Variants in SHISA6 observed in about 807,000 individuals in gnomAD.
The protein encoded by SHISA6 is shisa family member 6.
A neutral mutation model predicts 47.9 loss-of-function variants in SHISA6; 22 were observed. That is an observed-to-expected ratio of 0.46 (90% CI 0.33 to 0.66). SHISA6 has a LOEUF of 0.66. Among genes scored for constraint, SHISA6 ranks in the 30% least tolerant of loss-of-function variants. The probability of loss-of-function intolerance (pLI) is 0.02; values close to 1 mark genes in which losing one functional copy is unlikely to be tolerated. For missense variants in SHISA6, 680 were observed against 764.6 expected (o/e 0.89, Z 1.30); for synonymous variants, 388 against 337.8 (o/e 1.15, Z -1.63).
chr17:11,285,258 C>T (rs1345710661), intron 2 of SHISA6, among the ~76,000 whole-genome samples: 1 of 152,106 alleles, frequency 6.6e-6, no homozygotes, highest in Non-Finnish European at 1.5e-5. Flanking sequence ...TTTGCACATC[C>T]CATTTGGTGT....
chr17:11,398,603 G>T (rs888312812), intron 3 of SHISA6, among the ~76,000 whole-genome samples: 4 of 134,760 alleles, frequency 3.0e-5, no homozygotes, highest in African/African-American at 6.9e-5. Flanking sequence ...TTTTTTTGTT[G>T]TTTTTTTTTT....
chr17:11,518,522 C>T (rs143301173), intron 3 of SHISA6, among the ~76,000 whole-genome samples: 152 of 152,252 alleles, frequency 1.0e-3, no homozygotes, highest in African/African-American at 3.5e-3. Flanking sequence ...TCTGTACTGG[C>T]TTATTTCACT....
intron 1 of SHISA6, among the ~76,000 whole-genome samples, chr17:11,257,438 A>G (rs1908057010): frequency 6.6e-6 from 1 of 152,110 alleles, no homozygotes; most frequent in South Asian, 2.1e-4. Flanking sequence ...AGGGAGGCAG[A>G]TTGCCTGAGT....
At chr17:11,345,375 T>C (rs113834512) in intron 2 of SHISA6, among the ~76,000 whole-genome samples, 103 of 152,304 alleles carry the variant, frequency 6.8e-4, no homozygotes, top group African/African-American at 2.4e-3. Flanking sequence ...CACTATCTTA[T>C]TTAATTTAGC....
intron 2 of SHISA6, among the ~76,000 whole-genome samples, chr17:11,306,414 C>A (rs780936791): frequency 4.6e-5 from 7 of 152,256 alleles, no homozygotes; most frequent in Non-Finnish European, 1.0e-4. Flanking sequence ...CAATGATGGG[C>A]TTCTGCTGGG....
chr17:11,543,841 A>T (rs1019974670), intron 3 of SHISA6, among the ~76,000 whole-genome samples: 4 of 151,752 alleles, frequency 2.6e-5, no homozygotes, highest in African/African-American at 9.7e-5. Context: ...AAAAAGGTGC[A>T]AAAGCAATTT....
At chr17:11,440,930 G>A (rs1428432070) in intron 3 of SHISA6, among the ~76,000 whole-genome samples, 1 of 152,000 alleles carries the variant, frequency 6.6e-6, no homozygotes, top group Non-Finnish European at 1.5e-5. Context: ...AAGAGAAATG[G>A]CTGAGCAAGA....
chr17:11,394,080 C>T (rs990118846), intron 3 of SHISA6, among the ~76,000 whole-genome samples: 3 of 152,096 alleles, frequency 2.0e-5, no homozygotes, highest in Non-Finnish European at 2.9e-5. Context: ...TGCTGTCTTG[C>T]CTAATGCCTG....
At chr17:11,446,405 C>T (rs963423756) in intron 3 of SHISA6, among the ~76,000 whole-genome samples, 27 of 152,204 alleles carry the variant, frequency 1.8e-4, no homozygotes, top group African/African-American at 4.6e-4. Flanking sequence ...TTAGGAACTA[C>T]GAAGACACAG....
intron 3 of SHISA6, among the ~76,000 whole-genome samples, chr17:11,513,706 A>G (rs1380017620): frequency 6.6e-6 from 1 of 152,176 alleles, no homozygotes; most frequent in East Asian, 1.9e-4. Flanking sequence ...TAGCTGTGCA[A>G]TCTATCTGAA....
chr17:11,472,402 G>T (rs1434322445), intron 3 of SHISA6, among the ~76,000 whole-genome samples: 2 of 152,060 alleles, frequency 1.3e-5, no homozygotes, highest in African/African-American at 4.8e-5. Flanking sequence ...TCTCACTATG[G>T]TGTCCAGGTA....
intron 3 of SHISA6, among the ~76,000 whole-genome samples, chr17:11,413,876 G>C (rs752992216): frequency 1.3e-5 from 2 of 152,104 alleles, no homozygotes; most frequent in Admixed American, 6.5e-5. Flanking sequence ...GATGGGAGGC[G>C]CTGCGCAGTC....
At chr17:11,508,305 A>G (rs552545920) in intron 3 of SHISA6, among the ~76,000 whole-genome samples, 1 of 152,352 alleles carries the variant, frequency 6.6e-6, no homozygotes, top group Admixed American at 6.5e-5. Context: ...AAGCACCAGC[A>G]TCTGGTGTCT....
chr17:11,245,291 C>T (rs1387813755), intron 1 of SHISA6, among the ~76,000 whole-genome samples: 2 of 152,294 alleles, frequency 1.3e-5, no homozygotes, highest in East Asian at 1.9e-4. Flanking sequence ...CTTTCCCAAC[C>T]GGAAGCCCAA....
chr17:11,497,093 C>A (rs1263288507), intron 3 of SHISA6, among the ~76,000 whole-genome samples: 1 of 152,078 alleles, frequency 6.6e-6, no homozygotes. Context: ...GTCCTGGGCC[C>A]CTGTAGATTC....
chr17:11,380,454 C>T (rs562455972), intron 3 of SHISA6: 1 of 152,094 alleles, frequency 6.6e-6, no homozygotes, highest in African/African-American at 2.4e-5. Flanking sequence ...TAAAGTTTAT[C>T]GAGGATACAG....
intron 3 of SHISA6, among the ~76,000 whole-genome samples, chr17:11,389,053 A>G (rs1250955889): frequency 1.3e-5 from 2 of 151,924 alleles, no homozygotes. Flanking sequence ...AGCTGGATTC[A>G]CAGCAATTAA....
chr17:11,375,178 A>G (rs1456112604), intron 2 of SHISA6, among the ~76,000 whole-genome samples: 1 of 152,180 alleles, frequency 6.6e-6, no homozygotes, highest in East Asian at 1.9e-4. Flanking sequence ...TCGAAAGACT[A>G]AAGTCTTCCA....
chr17:11,544,233 A>G (rs1476817855), intron 3 of SHISA6, among the ~76,000 whole-genome samples: 1 of 151,778 alleles, frequency 6.6e-6, no homozygotes, highest in Non-Finnish European at 1.5e-5. Context: ...CTTAAAATTA[A>G]AACATTTGCT....
Sources: allele counts gnomAD v4.1 joint callset (sites outside exome capture counted in the v4.1 genomes callset), GRCh38; gene constraint gnomAD v4.1.1; transcripts MANE v1.5; gene names NCBI Gene and HGNC (gene_info 2026-07-23, HGNC 2026-07-21).